The following SUGCT variants were observed in gnomAD, a reference collection of about 807,000 sequenced individuals.
The protein encoded by SUGCT is succinyl-CoA:glutarate-CoA transferase, also known as succinyl-CoA:glutarate CoA-transferase.
A neutral mutation model predicts 55.0 loss-of-function variants in SUGCT; 41 were observed. The ratio of observed to expected loss-of-function variants is 0.74; its 90% confidence interval spans 0.58 to 0.97. The LOEUF is 0.97. SUGCT is among the 50% of genes least tolerant of loss of function. The probability of loss-of-function intolerance (pLI) is 0.00; values close to 1 mark genes in which losing one functional copy is unlikely to be tolerated. For missense variants in SUGCT, 568 were observed against 547.8 expected, an observed-to-expected ratio of 1.04 and a Z score of -0.37; for synonymous variants, 187 against 200.4, an observed-to-expected ratio of 0.93 and a Z score of 0.56.
chr7:40,458,466 A>T (rs1241438271), intron 10 of SUGCT, among the ~76,000 whole-genome samples: 1 of 152,222 alleles, frequency 6.6e-6, no homozygotes, highest in East Asian at 1.9e-4. Flanking sequence ...TACTTCAGGG[A>T]GATATATTCA....
chr7:40,178,812 T>C (rs1263694071), intron 1 of SUGCT, among the ~76,000 whole-genome samples: 1 of 152,188 alleles, frequency 6.6e-6, no homozygotes, highest in Non-Finnish European at 1.5e-5. Context: ...CAATTTTTTC[T>C]GAATTATTTC....
chr7:40,776,593 G>A (rs1037739908), intron 13 of SUGCT, among the ~76,000 whole-genome samples: 2 of 152,210 alleles, frequency 1.3e-5, no homozygotes, highest in East Asian at 3.9e-4. Flanking sequence ...TTTCATCAAT[G>A]TTACTTTCTA....
At chr7:40,905,604 A>G in the SUGCT span, among the ~76,000 whole-genome samples, 1 of 152,028 alleles carries the variant, frequency 6.6e-6, no homozygotes, top group Non-Finnish European at 1.5e-5. Flanking sequence ...CTCATTCACT[A>G]CTGTGTACTC....
intron 1 of SUGCT, among the ~76,000 whole-genome samples, chr7:40,157,311 C>T (rs996821217): frequency 5.9e-5 from 9 of 152,080 alleles, no homozygotes; most frequent in African/African-American, 1.7e-4. Flanking sequence ...CTTTCTCAGG[C>T]GAAGGCGGCA....
At chr7:40,559,023 A>G (rs951147525) in intron 12 of SUGCT, among the ~76,000 whole-genome samples, 1 of 152,232 alleles carries the variant, frequency 6.6e-6, no homozygotes, top group African/African-American at 2.4e-5. Context: ...GCATAATTAG[A>G]TTATTTCAAA....
At chr7:40,953,862 A>G in the SUGCT span, among the ~76,000 whole-genome samples, 1 of 152,120 alleles carries the variant, frequency 6.6e-6, no homozygotes, top group African/African-American at 2.4e-5. Flanking sequence ...GTCTGCCCCT[A>G]TTGGGGGGTG....
intron 12 of SUGCT, among the ~76,000 whole-genome samples, chr7:40,514,853 C>T (rs973515496): frequency 3.1e-4 from 47 of 151,070 alleles, no homozygotes; most frequent in African/African-American, 9.0e-4. Context: ...AATTAATAAT[C>T]AGGATATTGA....
chr7:40,908,128 C>T, the SUGCT span, among the ~76,000 whole-genome samples: 14 of 151,702 alleles, frequency 9.2e-5, no homozygotes, highest in Non-Finnish European at 1.5e-4. Flanking sequence ...CCTGTAACCC[C>T]GGCACTTTGG....
chr7:40,427,476 A>G (rs901363996), intron 9 of SUGCT, among the ~76,000 whole-genome samples: 24 of 152,230 alleles, frequency 1.6e-4, no homozygotes, highest in African/African-American at 5.5e-4. Flanking sequence ...TTTATTTTTC[A>G]GTGATTACTT....
chr7:40,882,008 T>C, the SUGCT span, among the ~76,000 whole-genome samples: 8 of 152,186 alleles, frequency 5.3e-5, no homozygotes, highest in Non-Finnish European at 7.3e-5. Flanking sequence ...AAAGGTCCCT[T>C]TTCTCACACC....
chr7:40,562,551 C>A (rs1394642653), intron 12 of SUGCT, among the ~76,000 whole-genome samples: 1 of 151,990 alleles, frequency 6.6e-6, no homozygotes, highest in African/African-American at 2.4e-5. Context: ...GACTGAGAGA[C>A]TGAAGAATTT....
At chr7:40,736,920 A>T (rs1787192799) in intron 12 of SUGCT, among the ~76,000 whole-genome samples, 1 of 152,162 alleles carries the variant, frequency 6.6e-6, no homozygotes, top group African/African-American at 2.4e-5. Context: ...AGCCTAAGAT[A>T]AAAAAATGGG....
chr7:40,847,766 C>T (rs1040040891), intron 13 of SUGCT, among the ~76,000 whole-genome samples: 30 of 151,924 alleles, frequency 2.0e-4, no homozygotes, highest in African/African-American at 5.1e-4. Flanking sequence ...TACCCAACCC[C>T]GAAGGGACAA....
At chr7:40,540,180 ATATT>A (rs58299208) in intron 12 of SUGCT, among the ~76,000 whole-genome samples, 14,264 of 152,232 alleles carry the variant, frequency 0.094, 702 homozygotes, top group Middle Eastern at 0.11. Flanking sequence ...CTTATTTTAT[ATATT>A]AGCAGCATCC....
chr7:40,226,148 T>G lies in SUGCT; in HGVS notation c.485-11487T>G, dbSNP rs115947588. 2.7e-3 allele frequency among the ~76,000 whole-genome samples: 408 copies of G among 152,320 alleles called. 3 individuals carry two copies. The highest frequency in any genetic ancestry group is 9.4e-3 in the African/African-American group (389 of 41,568). On this transcript the variant is annotated intron_variant, in intron 6 of 13. Coordinates refer to ENST00000335693, the MANE Select transcript of SUGCT (RefSeq NM_001193313.2). The stretch of plus-strand genomic sequence containing the variant: ...ATTTACATAAATCTTATTGGAATCC[T>G]GCTGAGGTTGGTTTTGGAATCTTGC...
chr7:40,524,129 CTTAG>C (rs765341231), intron 12 of SUGCT, among the ~76,000 whole-genome samples: 11 of 151,946 alleles, frequency 7.2e-5, no homozygotes, highest in East Asian at 5.8e-4. Context: ...TACCCTTGTC[CTTAG>C]TTAGTTTATT....
chr7:40,363,915 T>C (rs1313182939), intron 9 of SUGCT, among the ~76,000 whole-genome samples: 1 of 152,230 alleles, frequency 6.6e-6, no homozygotes, highest in Non-Finnish European at 1.5e-5. Flanking sequence ...CAATGGGGTG[T>C]TAAAGTCTCC....
intron 12 of SUGCT, among the ~76,000 whole-genome samples, chr7:40,636,007 A>G (rs555246158): frequency 6.6e-6 from 1 of 152,324 alleles, no homozygotes; most frequent in South Asian, 2.1e-4. Flanking sequence ...ACAGATATTC[A>G]GCTGATATAT....
rs762978158 is a variant in SUGCT, at chr7:40,665,786, G to A, written c.1090-83648G>A. Among the ~76,000 whole-genome samples, 22 of 152,058 alleles carry A rather than the reference G, an allele frequency of 1.4e-4. 1 individual carries two copies. The highest frequency in any genetic ancestry group is 3.1e-4 in the Non-Finnish European group (21 of 68,014). Reference sequence around the variant, plus strand: ...TCTAGGTAGGATAGGGAGAAGATAAGGTGGGAGCACAGGATGTGACAGCAA... The same window carrying A: ...TCTAGGTAGGATAGGGAGAAGATAAAGTGGGAGCACAGGATGTGACAGCAA... On this transcript the variant is annotated intron_variant, in intron 12 of 13. Transcript: ENST00000335693.
Sources: allele counts gnomAD v4.1 joint callset (sites outside exome capture counted in the v4.1 genomes callset), GRCh38; gene constraint gnomAD v4.1.1; transcripts MANE v1.5; gene names NCBI Gene and HGNC (gene_info 2026-07-23, HGNC 2026-07-21).